The following ZNF730 variants were observed in gnomAD, a reference collection of about 807,000 sequenced individuals.
ZNF730 encodes the protein zinc finger protein 730, also known as putative zinc finger protein 730.
ZNF730 carries 12 observed loss-of-function variants against 12.6 expected under a neutral mutation model. That is an observed-to-expected ratio of 0.95 (90% CI 0.61 to 1.54). ZNF730 has a LOEUF of 1.54. Among genes scored for constraint, ZNF730 ranks in the 40% most tolerant of loss-of-function variants. ZNF730 has a pLI of 0.00. For missense variants in ZNF730, 643 were observed against 583.5 expected (o/e 1.10, Z -1.05); for synonymous variants, 194 against 195.8 (o/e 0.99, Z 0.08).
At chr19:23,133,504 A>C (rs56082086) in intron 1 of ZNF730, among the ~76,000 whole-genome samples, 2,998 of 152,218 alleles carry the variant, frequency 0.02, 48 homozygotes, top group Non-Finnish European at 0.029. Flanking sequence ...CACCATGGCC[A>C]GCTAATTTTG....
At chr19:23,143,207 T>C (rs887045153) in intron 3 of ZNF730, among the ~76,000 whole-genome samples, 8 of 151,748 alleles carry the variant, frequency 5.3e-5, no homozygotes, top group Non-Finnish European at 1.0e-4. Context: ...ATAGTGCCAC[T>C]GCACTCCAGC....
chr19:23,141,212 G>C (rs946425524), intron 3 of ZNF730, among the ~76,000 whole-genome samples: 2 of 151,890 alleles, frequency 1.3e-5, no homozygotes, highest in South Asian at 4.2e-4. Context: ...GGCTAACACG[G>C]TGAAACCCCG....
chr19:23,083,976 T>C (rs534632700), intron 1 of ZNF730, among the ~76,000 whole-genome samples: 5 of 152,318 alleles, frequency 3.3e-5, no homozygotes, highest in African/African-American at 1.2e-4. Context: ...TGAAGTCTTA[T>C]TTTAAAAAAT....
rs527850789 is a variant in ZNF730, at chr19:23,137,492, G to T, written c.226+1449G>T. Among the ~76,000 whole-genome samples the T allele has an allele frequency of 7.2e-5, 11 of 152,208 alleles. No homozygotes were observed. The East Asian group carries it at 1.7e-3, about 24-fold the overall frequency. ...ATCAGGTTTTAATGTACTGTTTATG[G>T]TTTTTTATATATAAAGTCAAATGCT... On this transcript the variant is annotated intron_variant, in intron 3 of 3. Transcript: ENST00000597761.
At chr19:23,114,861 C>A (rs577414144), upstream of ZNF730, among the ~76,000 whole-genome samples, 1 of 152,202 alleles carries the variant, frequency 6.6e-6, no homozygotes, top group South Asian at 2.1e-4. Context: ...TTATGGCTTA[C>A]TGCGGCTTTT....
chr19:23,143,795 CTGG>C (rs1356628133), intron 3 of ZNF730: 1 of 152,160 alleles, frequency 6.6e-6, no homozygotes, highest in Non-Finnish European at 1.5e-5. Flanking sequence ...TGACAATTCA[CTGG>C]TTATATCGTA....
chr19:23,080,723 C>T (rs1287481819), intron 1 of ZNF730, among the ~76,000 whole-genome samples: 10 of 152,018 alleles, frequency 6.6e-5, no homozygotes, highest in Non-Finnish European at 2.9e-5. Flanking sequence ...TTCCCCAAAT[C>T]ATTGCCAAAC....
At chr19:23,088,504 C>T (rs1970103991) in intron 1 of ZNF730, among the ~76,000 whole-genome samples, 1 of 151,816 alleles carries the variant, frequency 6.6e-6, no homozygotes, top group South Asian at 2.1e-4. Context: ...TCTGTCTCTC[C>T]AGCACCTAGG....
chr19:23,080,383 T>A (rs1599562467), intron 1 of ZNF730, among the ~76,000 whole-genome samples: 2 of 151,856 alleles, frequency 1.3e-5, no homozygotes, highest in East Asian at 3.9e-4. Flanking sequence ...TTATTTTTTT[T>A]TTTTTATTTT....
chr19:23,079,431 T>TA (rs1245433195), intron 1 of ZNF730, among the ~76,000 whole-genome samples: 1 of 152,336 alleles, frequency 6.6e-6, no homozygotes, highest in Non-Finnish European at 1.5e-5. Flanking sequence ...GTGCTGGAAT[T>TA]ACAGCCATAG....
At chr19:23,101,619 C>T (rs1321329111) in intron 1 of ZNF730, among the ~76,000 whole-genome samples, 1 of 152,194 alleles carries the variant, frequency 6.6e-6, no homozygotes, top group Non-Finnish European at 1.5e-5. Context: ...CTTGACTCTG[C>T]ACCTTGATGG....
intron 1 of ZNF730, among the ~76,000 whole-genome samples, chr19:23,083,146 C>G (rs558007766): frequency 2.6e-5 from 4 of 152,112 alleles, no homozygotes; most frequent in Admixed American, 6.5e-5. Flanking sequence ...GCAGTAGTGG[C>G]TGAGCCCGGT....
At chr19:23,080,949 G>A (rs771948757) in intron 1 of ZNF730, among the ~76,000 whole-genome samples, 11 of 149,078 alleles carry the variant, frequency 7.4e-5, no homozygotes, top group Non-Finnish European at 1.5e-4. Context: ...AGGTTCTAGC[G>A]ATTCTCCTGC....
In ZNF730 at chr19:23,147,139, A is replaced by G. The variant is rs1971028181; in HGVS notation, c.*583A>G. 5.6e-6 allele frequency: 1 copy of G among 179,140 alleles called. No homozygotes were observed. Among genetic ancestry groups the G allele is most frequent in the Non-Finnish European group, 1.2e-5 (1 of 84,150 alleles). The allele number at this position is 179,140 out of a possible 1,614,324, so 11.1% of individuals were successfully genotyped here. On this transcript the variant is annotated 3_prime_UTR_variant, in exon 4 of 4. Coordinates refer to ENST00000597761, the MANE Select transcript of ZNF730 (RefSeq NM_001277403.2). ...TACTTGAGAATAAATATACAAGTGTAAAGAAAGTGAAAACCCTATTAATAT... is the reference window on the plus strand; with the variant it reads ...TACTTGAGAATAAATATACAAGTGTGAAGAAAGTGAAAACCCTATTAATAT...
chr19:23,145,724 C>T lies in ZNF730; in HGVS notation c.680C>T (p.Pro227Leu), dbSNP rs1970995493. The change falls in exon 4 of 4, where the codon CCT becomes CTT. Residue 227 changes from proline (P) to leucine (L), a missense_variant. Transcript: ENST00000597761. Reference protein sequence around the residue: ...TTHKRITEKKPYKCKECGKAF... With the variant: ...TTHKRITEKKLYKCKECGKAF... Reference sequence around the variant, plus strand: ...CATAAAAGAATTACTGAGAAAAAACCTTACAAATGTAAAGAATGTGGCAAA... The same window carrying T: ...CATAAAAGAATTACTGAGAAAAAACTTTACAAATGTAAAGAATGTGGCAAA... 9 of 1,557,238 alleles carry T rather than the reference C, an allele frequency of 5.8e-6. No homozygotes were observed. The highest frequency in any genetic ancestry group is 1.4e-5 in the African/African-American group (1 of 73,070).
intron 1 of ZNF730, chr19:23,095,299 G>C (rs1007136573): frequency 2.5e-6 from 1 of 398,360 alleles, no homozygotes; most frequent in African/African-American, 2.1e-5. Context: ...TCACACGTAC[G>C]TTATGTGACT....
At chr19:23,117,633 G>A (rs1246889829) in intron 1 of ZNF730, among the ~76,000 whole-genome samples, 1 of 152,210 alleles carries the variant, frequency 6.6e-6, no homozygotes, top group African/African-American at 2.4e-5. Flanking sequence ...AAATTGTAGA[G>A]CACCCAGTTA....
chr19:23,133,817 T>C (rs1335072999), intron 1 of ZNF730, among the ~76,000 whole-genome samples: 2 of 112,852 alleles, frequency 1.8e-5, no homozygotes, highest in African/African-American at 5.3e-5. Context: ...AAAATGTACA[T>C]GTTAGTGTTC....
intron 1 of ZNF730, among the ~76,000 whole-genome samples, chr19:23,117,617 A>G (rs1206243313): frequency 6.6e-6 from 1 of 152,206 alleles, no homozygotes; most frequent in African/African-American, 2.4e-5. Context: ...TTAAAGAATG[A>G]TTCTAAAATT....
Sources: gnomAD v4.1 joint callset for allele counts (sites outside exome capture counted in the v4.1 genomes callset) on GRCh38, gnomAD v4.1.1 for gene constraint, MANE v1.5 for transcripts, NCBI Gene and HGNC (gene_info 2026-07-23, HGNC 2026-07-21) for gene names.